SLC6A11: variants seen among roughly 807,000 people sequenced by gnomAD.
SLC6A11 encodes sodium- and chloride-dependent GABA transporter 3.
Under a neutral mutation model 74.8 loss-of-function variants are expected in SLC6A11, and 25 were observed. The ratio of observed to expected loss-of-function variants is 0.33; its 90% confidence interval spans 0.24 to 0.47. SLC6A11 has a LOEUF of 0.47. SLC6A11 is among the 20% of genes least tolerant of loss of function. The probability of loss-of-function intolerance (pLI) is 1.00; values close to 1 mark genes in which losing one functional copy is unlikely to be tolerated. For missense variants in SLC6A11, 574 were observed against 837.0 expected, an observed-to-expected ratio of 0.69 and a Z score of 3.88; for synonymous variants, 330 against 330.2, an observed-to-expected ratio of 1.00 and a Z score of 0.01.
chr3:10,935,395 A>T (rs1455151375), intron 13 of SLC6A11, 196 bp downstream of exon 13: 5 of 572,168 alleles, frequency 8.7e-6, no homozygotes, highest in Non-Finnish European at 1.2e-5. Context: ...TGGCTGAGCC[A>T]GTTTCTAGGA....
intron 12 of SLC6A11, among the ~76,000 whole-genome samples, chr3:10,934,394 G>A (rs932795343): frequency 6.6e-6 from 1 of 152,150 alleles, no homozygotes; most frequent in Non-Finnish European, 1.5e-5. Context: ...GGAGCACAGC[G>A]CCTCCCTTCT....
intron 5 of SLC6A11, among the ~76,000 whole-genome samples, chr3:10,846,794 G>C (rs1032126336): frequency 2.0e-5 from 3 of 152,164 alleles, no homozygotes; most frequent in African/African-American, 7.2e-5. Flanking sequence ...TACCTTACCA[G>C]TGGAGAACCT....
chr3:10,898,778 A>G (rs1308367887), intron 6 of SLC6A11, among the ~76,000 whole-genome samples: 2 of 152,114 alleles, frequency 1.3e-5, no homozygotes, highest in Non-Finnish European at 2.9e-5. Flanking sequence ...AGTCACTTCC[A>G]CATTTTTGGG....
chr3:10,847,072 C>G (rs544606383), intron 5 of SLC6A11, among the ~76,000 whole-genome samples: 1 of 152,242 alleles, frequency 6.6e-6, no homozygotes, highest in Non-Finnish European at 1.5e-5. Context: ...CATGCCTGCT[C>G]CATTTAGGCT....
At chr3:10,874,811 G>A (rs1694887899) in intron 5 of SLC6A11, 150 bp from the exon 6 acceptor site, 2 of 634,134 alleles carry the variant, frequency 3.2e-6, no homozygotes, top group South Asian at 6.6e-5. Flanking sequence ...AATGGATCAA[G>A]CAAATGTGGT....
At chr3:10,877,931 C>T (rs1454598200) in intron 6 of SLC6A11, among the ~76,000 whole-genome samples, 2 of 152,166 alleles carry the variant, frequency 1.3e-5, no homozygotes, top group Non-Finnish European at 2.9e-5. Flanking sequence ...GGCCCCACTC[C>T]ACCTGACCCC....
At chr3:10,896,741 T>A (rs1165849708) in intron 6 of SLC6A11, among the ~76,000 whole-genome samples, 5 of 152,184 alleles carry the variant, frequency 3.3e-5, no homozygotes, top group Non-Finnish European at 7.3e-5. Context: ...ATGGGGAGCT[T>A]CATTCTTTCT....
intron 6 of SLC6A11, 116 bp downstream of exon 6, chr3:10,875,211 G>A: frequency 1.2e-6 from 1 of 808,292 alleles, no homozygotes; most frequent in South Asian, 3.7e-5. Flanking sequence ...GAAAGCCTGT[G>A]GACTCTTTCC....
intron 6 of SLC6A11, among the ~76,000 whole-genome samples, chr3:10,892,240 CAAGCGCTGGA>C (rs1695115388): frequency 1.3e-5 from 2 of 152,242 alleles, no homozygotes; most frequent in Admixed American, 1.3e-4. Flanking sequence ...ATATGCAAGC[CAAGCGCTGGA>C]AAGCCCTACA....
At chr3:10,882,981 C>T (rs1332280597) in intron 6 of SLC6A11, among the ~76,000 whole-genome samples, 1 of 152,096 alleles carries the variant, frequency 6.6e-6, no homozygotes, top group Non-Finnish European at 1.5e-5. Context: ...ACACCGGTGG[C>T]AGTCCTCATT....
At chr3:10,866,395 G>A (rs552988416) in intron 5 of SLC6A11, among the ~76,000 whole-genome samples, 1 of 152,316 alleles carries the variant, frequency 6.6e-6, no homozygotes, top group African/African-American at 2.4e-5. Context: ...TGTTACTGCA[G>A]AAGAGGGAGA....
At chr3:10,893,216 T>C (rs572267585) in intron 6 of SLC6A11, among the ~76,000 whole-genome samples, 1 of 152,276 alleles carries the variant, frequency 6.6e-6, no homozygotes, top group South Asian at 2.1e-4. Context: ...GATACAGACC[T>C]CTTTAGTGAA....
At chr3:10,830,407 C>T (rs1261831330) in intron 4 of SLC6A11, among the ~76,000 whole-genome samples, 1 of 152,202 alleles carries the variant, frequency 6.6e-6, no homozygotes, top group African/African-American at 2.4e-5. Context: ...TCTATGCACT[C>T]ACAGGTCTTT....
At chr3:10,900,872 C>T (rs1295576342) in intron 6 of SLC6A11, among the ~76,000 whole-genome samples, 2 of 152,192 alleles carry the variant, frequency 1.3e-5, no homozygotes, top group Admixed American at 6.5e-5. Context: ...TCTGACTCCC[C>T]CTGCCTCAGT....
chr3:10,829,741 A>C (rs1694269350), intron 4 of SLC6A11, among the ~76,000 whole-genome samples: 1 of 152,212 alleles, frequency 6.6e-6, no homozygotes, highest in Non-Finnish European at 1.5e-5. Context: ...TGATGCTTAC[A>C]AAGCTCCTAG....
chr3:10,930,239 A>T (rs139618467), intron 10 of SLC6A11, among the ~76,000 whole-genome samples: 140 of 152,120 alleles, frequency 9.2e-4, no homozygotes, highest in African/African-American at 3.2e-3. Flanking sequence ...TCCCTCATTC[A>T]TGCCCCCAGC....
chr3:10,873,399 G>GC (rs1694852384), intron 5 of SLC6A11, among the ~76,000 whole-genome samples: 1 of 90,762 alleles, frequency 1.1e-5, no homozygotes, highest in Non-Finnish European at 2.1e-5. Context: ...CCTATCCTAT[G>GC]CTATCCTATC....
intron 5 of SLC6A11, among the ~76,000 whole-genome samples, chr3:10,863,580 A>G (rs1694729717): frequency 6.6e-6 from 1 of 152,186 alleles, no homozygotes; most frequent in Non-Finnish European, 1.5e-5. Flanking sequence ...CACATTGCTC[A>G]GTGTGTTGCA....
At chr3:10,821,964 G>C (rs1449728873) in intron 3 of SLC6A11, among the ~76,000 whole-genome samples, 1 of 152,174 alleles carries the variant, frequency 6.6e-6, no homozygotes, top group Non-Finnish European at 1.5e-5. Context: ...GCCTGACTGA[G>C]GACCCCCAGA....
Sources: allele counts gnomAD v4.1 joint callset (sites outside exome capture counted in the v4.1 genomes callset), GRCh38; gene constraint gnomAD v4.1.1; transcripts MANE v1.5; gene names NCBI Gene and HGNC (gene_info 2026-07-23, HGNC 2026-07-21).